The following UNC93B1 variants were observed in gnomAD, a reference collection of about 807,000 sequenced individuals.
UNC93B1 encodes the protein protein unc-93 homolog B1.
A neutral mutation model predicts 56.8 loss-of-function variants in UNC93B1; 33 were observed. That is an observed-to-expected ratio of 0.58 (90% CI 0.44 to 0.78). The LOEUF (loss-of-function observed/expected upper bound fraction) is 0.78, where lower values mean the gene tolerates loss of function less well. Among genes scored for constraint, UNC93B1 ranks in the 30% least tolerant of loss-of-function variants. The pLI is 0.00. For synonymous variants in UNC93B1, 334 were observed against 358.6 expected (o/e 0.93, Z 0.77); for missense variants, 673 against 819.5 (o/e 0.82, Z 2.18).
At chr11:67,999,493 C>G (rs1857008036) in intron 4 of UNC93B1, 26 bp downstream of exon 4, 1 of 1,545,006 alleles carries the variant, frequency 6.5e-7, no homozygotes, top group African/African-American at 1.4e-5. Context: ...TCTCCAGCCT[C>G]CTGCCCTGCT....
intron 3 of UNC93B1, among the ~76,000 whole-genome samples, chr11:67,999,893 G>A (rs72940174): frequency 0.023 from 3,461 of 152,330 alleles, 61 homozygotes; most frequent in Non-Finnish European, 0.032. Flanking sequence ...ATATGGGCAC[G>A]GAGCCCAAAC....
chr11:67,996,826 G>A, intron 7 of UNC93B1, 42 bp from the exon 8 acceptor site: 1 of 1,487,208 alleles, frequency 6.7e-7, no homozygotes, highest in Non-Finnish European at 9.0e-7. Context: ...CCAGGCCCAG[G>A]CCTGGCCTCC....
chr11:68,002,211 C>CACAG (rs1367221862), intron 3 of UNC93B1, among the ~76,000 whole-genome samples: 2 of 151,716 alleles, frequency 1.3e-5, no homozygotes, highest in Non-Finnish European at 2.9e-5. Flanking sequence ...CACACACACA[C>CACAG]ACACACACAC....
At chr11:67,995,978 C>A in intron 8 of UNC93B1, 94 bp from the exon 9 acceptor site, 1 of 1,164,518 alleles carries the variant, frequency 8.6e-7, no homozygotes, top group East Asian at 2.8e-5. Flanking sequence ...CACCCCCCTG[C>A]GATGGGGGTC....
chr11:67,992,281 C>T (rs1293495457), intron 10 of UNC93B1, among the ~76,000 whole-genome samples: 2 of 152,226 alleles, frequency 1.3e-5, no homozygotes, highest in Non-Finnish European at 2.9e-5. Context: ...CACACCATAG[C>T]CCAGTACATA....
At chr11:67,996,922 T>C (rs2134361111) in intron 7 of UNC93B1, 138 bp from the exon 8 acceptor site, 1 of 1,094,618 alleles carries the variant, frequency 9.1e-7, no homozygotes. Context: ...GCCCCGCCCC[T>C]GAGACACTCC....
intron 3 of UNC93B1, among the ~76,000 whole-genome samples, chr11:68,000,444 C>T (rs1379229848): frequency 6.6e-6 from 1 of 152,128 alleles, no homozygotes; most frequent in Non-Finnish European, 1.5e-5. Context: ...GTGGGCAGAT[C>T]ACCTGAGGTC....
rs1449071969 is a variant in UNC93B1, at chr11:67,997,807, G to T, written c.782-8C>A. On this transcript the variant is annotated splice_polypyrimidine_tract_variant and splice_region_variant and intron_variant, in intron 6 of 10. Transcript: ENST00000227471. ...TCCCGTGGCTGTTGGTGCCTGGGAA[G>T]GGTGGGGGTGAGGGCACCGTGAGCA... 2.5e-6 allele frequency: 4 copies of T among 1,604,936 alleles called. No homozygotes were observed. Among genetic ancestry groups the T allele is most frequent in the Non-Finnish European group, 3.4e-6 (4 of 1,179,026 alleles).
Position 67,993,754 on chromosome 11 carries a change from G to A in UNC93B1, c.1404C>T (p.Asp468=), listed in dbSNP as rs1218967657. ...ACCAGTGGTAGATGGTGAAGATGAA[G>A]TCCTGTCTCTCCTTGTCTTCGTACA... The part of the protein sequence containing the change: ...GILYEDKERQ[D]FIFTIYHWWQ... The change falls in exon 10 of 11, where the codon GAC becomes GAT. Residue 468 remains aspartate, a synonymous_variant. Coordinates refer to ENST00000227471, the MANE Select transcript of UNC93B1 (RefSeq NM_030930.4). The A allele has an allele frequency of 4.8e-6, 6 of 1,254,778 alleles. No homozygotes were observed. Among genetic ancestry groups the A allele is most frequent in the Non-Finnish European group, 6.8e-6 (6 of 887,776 alleles). The allele number at this position is 1,254,778 out of a possible 1,614,324, so 77.7% of individuals were successfully genotyped here.
chr11:67,995,393 C>T (rs887585877), intron 9 of UNC93B1, among the ~76,000 whole-genome samples: 6 of 152,046 alleles, frequency 3.9e-5, no homozygotes, highest in African/African-American at 1.5e-4. Context: ...GGTGTCCACA[C>T]CCTACCCATC....
intron 3 of UNC93B1, 124 bp downstream of exon 3, chr11:68,002,898 A>C: frequency 7.6e-7 from 1 of 1,307,234 alleles, no homozygotes; most frequent in African/African-American, 1.6e-5. Context: ...GGGTAGAAAA[A>C]AACCTCTCCC....
rs1005698959 is a variant in UNC93B1, at chr11:68,003,553, G to A, written c.238+104C>T. ...CCGTGGCTGCAGCTGCGAGGGCAGC[G>A]GAGGGGAAGTGAGAGCGGGCGGGAG... On this transcript the variant is annotated intron_variant, in intron 2 of 10. Transcript: ENST00000227471. This position sits in a 1 kb window ranked among gnomAD's most constrained non-coding sequence, Gnocchi z 4.4. 120 of 1,411,588 alleles carry A rather than the reference G, an allele frequency of 8.5e-5. 1 individual carries two copies. The East Asian group carries it at 3.0e-3, about 35-fold the overall frequency. 87.4% of individuals were successfully genotyped at this position (1,411,588 alleles called of 1,614,324 possible). A position where few individuals can be genotyped will look rare whatever the true frequency, so the allele number is the denominator to read the frequency against.
intron 8 of UNC93B1, chr11:67,996,114 GC>G (rs576726406): frequency 8.2e-5 from 22 of 266,742 alleles, no homozygotes; most frequent in South Asian, 2.4e-4. Context: ...TCCCCGCATC[GC>G]GGGGGGGTGC....
intron 3 of UNC93B1, 106 bp downstream of exon 3, chr11:68,002,916 C>G (rs1857069174): frequency 1.4e-6 from 2 of 1,417,032 alleles, no homozygotes; most frequent in Non-Finnish European, 1.9e-6. Context: ...CCCTTGTTCC[C>G]TCGCCCCACA....
chr11:67,992,124 C>T (rs1856855394), intron 10 of UNC93B1, among the ~76,000 whole-genome samples: 1 of 152,274 alleles, frequency 6.6e-6, no homozygotes, highest in South Asian at 2.1e-4. Context: ...CCCTTTGCCT[C>T]ATAGGGTGCA....
At chr11:68,001,592 A>T (rs1838780026) in intron 3 of UNC93B1, among the ~76,000 whole-genome samples, 1 of 151,830 alleles carries the variant, frequency 6.6e-6, no homozygotes, top group Non-Finnish European at 1.5e-5. Flanking sequence ...GGGGTTGAGG[A>T]GGCAGTGAGC....
At chr11:67,997,596 C>G in intron 7 of UNC93B1, 79 bp downstream of exon 7, 1 of 1,589,258 alleles carries the variant, frequency 6.3e-7, no homozygotes, top group South Asian at 1.1e-5. Flanking sequence ...GCCATCCGAT[C>G]CAGACCCTTT....
At chr11:67,992,288 C>T (rs1856857823) in intron 10 of UNC93B1, among the ~76,000 whole-genome samples, 1 of 152,236 alleles carries the variant, frequency 6.6e-6, no homozygotes, top group Non-Finnish European at 1.5e-5. Context: ...TAGCCCAGTA[C>T]ATACACACAT....
chr11:67,996,149 C>T (rs960193870), intron 8 of UNC93B1, among the ~76,000 whole-genome samples: 1 of 150,810 alleles, frequency 6.6e-6, no homozygotes, highest in Non-Finnish European at 1.5e-5. Flanking sequence ...GATGGGGGTC[C>T]TAAGAGCCAG....
Sources: allele counts gnomAD v4.1 joint callset (sites outside exome capture counted in the v4.1 genomes callset), GRCh38; gene constraint gnomAD v4.1.1; non-coding constraint Gnocchi (gnomAD v3.1); transcripts MANE v1.5; gene names NCBI Gene and HGNC (gene_info 2026-07-23, HGNC 2026-07-21).